Variants in NTM observed in about 807,000 individuals in gnomAD.
NTM encodes IgLON family member 2.
NTM carries 13 observed loss-of-function variants against 42.1 expected under a neutral mutation model. The observed-to-expected ratio is 0.31, with a 90% confidence interval of 0.20 to 0.49. The LOEUF (loss-of-function observed/expected upper bound fraction) is 0.49, where lower values mean the gene tolerates loss of function less well. Ranked by LOEUF, NTM falls within the 20% of genes least tolerant of loss-of-function variation. NTM has a pLI of 0.99. For synonymous variants in NTM, 187 were observed against 179.2 expected (o/e 1.04, Z -0.35); for missense variants, 373 against 452.8 (o/e 0.82, Z 1.60).
At chr11:131,428,308 A>G (rs1480036011) in intron 1 of NTM, among the ~76,000 whole-genome samples, 1 of 152,232 alleles carries the variant, frequency 6.6e-6, no homozygotes, top group Non-Finnish European at 1.5e-5. Flanking sequence ...GCACGTGAAC[A>G]TCACCGTAAG....
Position 131,952,049 on chromosome 11 carries a change from A to T in NTM, c.167+40401A>T, listed in dbSNP as rs560994338. 2.6e-3 allele frequency among the ~76,000 whole-genome samples: 403 copies of T among 152,102 alleles called. 1 individual carries two copies. Among genetic ancestry groups the T allele is most frequent in the African/African-American group, 9.1e-3 (376 of 41,492 alleles). On this transcript the variant is annotated intron_variant, in intron 2 of 8. Transcript: ENST00000683400. ...CTGATAATACATTCTCTTTTATCAC[A>T]CTTTTTTTTCCTCTGTGTCCTTGCT...
chr11:131,973,047 G>T (rs184593052), intron 2 of NTM, among the ~76,000 whole-genome samples: 1 of 152,156 alleles, frequency 6.6e-6, no homozygotes, highest in South Asian at 2.1e-4. Flanking sequence ...GAAAAGATTC[G>T]TTCTTTAGGA....
intron 2 of NTM, among the ~76,000 whole-genome samples, chr11:131,998,270 G>A (rs1001420240): frequency 5.3e-5 from 8 of 152,146 alleles, no homozygotes; most frequent in Admixed American, 2.6e-4. Flanking sequence ...TAAAAGCTGC[G>A]TGGAGTGAGC....
intron 1 of NTM, among the ~76,000 whole-genome samples, chr11:131,554,161 G>T (rs1478451635): frequency 1.3e-5 from 2 of 152,140 alleles, no homozygotes; most frequent in Admixed American, 6.5e-5. Flanking sequence ...TTGCTATAAT[G>T]TGTTGTCATT....
At chr11:132,057,346 G>C (rs1369097421) in intron 2 of NTM, among the ~76,000 whole-genome samples, 2 of 151,986 alleles carry the variant, frequency 1.3e-5, no homozygotes, top group Non-Finnish European at 2.9e-5. Flanking sequence ...GCATGTTTTA[G>C]CAATGTGATG....
chr11:132,236,323 AT>A (rs1248661381), intron 4 of NTM, among the ~76,000 whole-genome samples: 25 of 152,092 alleles, frequency 1.6e-4, no homozygotes, highest in Admixed American at 1.0e-3. Flanking sequence ...TTTTGTGGCA[AT>A]TTTTTAGTAG....
At chr11:131,833,013 G>A (rs1460041421) in intron 1 of NTM, among the ~76,000 whole-genome samples, 1 of 152,148 alleles carries the variant, frequency 6.6e-6, no homozygotes, top group African/African-American at 2.4e-5. Flanking sequence ...AATTAAAGTT[G>A]TCATAAATAC....
intron 2 of NTM, among the ~76,000 whole-genome samples, chr11:132,046,060 A>G (rs1351768491): frequency 6.6e-6 from 1 of 152,212 alleles, no homozygotes; most frequent in East Asian, 1.9e-4. Flanking sequence ...ATAACCATCC[A>G]AACTGTATGA....
chr11:131,370,943 T>C (rs1218299985), intron 1 of NTM, 55 bp downstream of exon 1: 1 of 1,603,600 alleles, frequency 6.2e-7, no homozygotes, highest in Non-Finnish European at 8.5e-7. Context: ...TACAGTGTGC[T>C]TTATAAGATT....
chr11:131,500,041 G>C (rs1018517968), intron 1 of NTM, among the ~76,000 whole-genome samples: 3 of 152,224 alleles, frequency 2.0e-5, no homozygotes, highest in Non-Finnish European at 2.9e-5. Context: ...CCCCATGCCT[G>C]CCCTGCAAGT....
chr11:131,960,899 T>C (rs1466734461), intron 2 of NTM, among the ~76,000 whole-genome samples: 2 of 152,204 alleles, frequency 1.3e-5, no homozygotes, highest in African/African-American at 2.4e-5. Context: ...AGGGTCAATA[T>C]TGCTTTTTGA....
At chr11:131,496,603 G>A (rs575130503) in intron 1 of NTM, among the ~76,000 whole-genome samples, 36 of 152,302 alleles carry the variant, frequency 2.4e-4, no homozygotes, top group African/African-American at 8.4e-4. Flanking sequence ...CTGAGTGAGT[G>A]AAGAAGAGCA....
At chr11:132,134,887 C>A (rs939461598) in intron 2 of NTM, among the ~76,000 whole-genome samples, 4 of 151,622 alleles carry the variant, frequency 2.6e-5, no homozygotes, top group East Asian at 2.0e-4. Context: ...ATAATGACTT[C>A]TTTTCCTCCT....
Position 132,146,551 on chromosome 11 carries a change from C to T in NTM, c.400+37C>T. The stretch of plus-strand genomic sequence containing the variant: ...GGGCTTGGCGGGGAGATCTGGCTGG[C>T]CAGCCTGGAAAGCCTTCAGGTAAAG... On this transcript the variant is annotated intron_variant, in intron 3 of 8. Coordinates refer to ENST00000683400, the MANE Select transcript of NTM (RefSeq NM_001352005.2). The surrounding 1 kb of genome is among the most constrained non-coding windows in gnomAD (Gnocchi z 4.5). 6.2e-7 allele frequency: 1 copy of T among 1,603,242 alleles called. No individual in the cohort carries two copies. The highest frequency in any genetic ancestry group is 8.5e-7 in the Non-Finnish European group (1 of 1,172,980).
intron 1 of NTM, among the ~76,000 whole-genome samples, chr11:131,400,316 G>C (rs1944998685): frequency 6.6e-6 from 1 of 152,134 alleles, no homozygotes; most frequent in Non-Finnish European, 1.5e-5. Flanking sequence ...CTCTGCTGGG[G>C]CTTTTATCCC....
At chr11:132,235,944 G>T (rs77948373) in intron 4 of NTM, among the ~76,000 whole-genome samples, 1 of 151,440 alleles carries the variant, frequency 6.6e-6, no homozygotes, top group Non-Finnish European at 1.5e-5. Context: ...AAATGCCTTC[G>T]ATTTGGTTTA....
chr11:131,406,007 C>T (rs1040801874), intron 1 of NTM, among the ~76,000 whole-genome samples: 8 of 152,294 alleles, frequency 5.3e-5, no homozygotes, highest in South Asian at 2.1e-4. Flanking sequence ...ACTTGCACTC[C>T]GTCCTTCTCT....
At chr11:132,186,166 A>T (rs2078360210) in intron 3 of NTM, among the ~76,000 whole-genome samples, 1 of 152,084 alleles carries the variant, frequency 6.6e-6, no homozygotes, top group Non-Finnish European at 1.5e-5. Flanking sequence ...GGTGACCAGA[A>T]CTCCACCACT....
intron 5 of NTM, 54 bp downstream of exon 5, chr11:132,307,877 C>T: frequency 6.4e-7 from 1 of 1,565,630 alleles, no homozygotes; most frequent in East Asian, 2.3e-5. Flanking sequence ...GGCCTGTTGT[C>T]ACAGCCACCA....
Sources: gnomAD v4.1 joint callset for allele counts (sites outside exome capture counted in the v4.1 genomes callset) on GRCh38, gnomAD v4.1.1 for gene constraint, Gnocchi (gnomAD v3.1) non-coding constraint, MANE v1.5 for transcripts, NCBI Gene and HGNC (gene_info 2026-07-23, HGNC 2026-07-21) for gene names.